CTNNA3: variants seen among roughly 807,000 people sequenced by gnomAD.
CTNNA3 encodes the protein catenin alpha-3.
In CTNNA3, 76 loss-of-function variants were observed where a neutral mutation model predicts 95.7. That is an observed-to-expected ratio of 0.79 (90% CI 0.66 to 0.96). The LOEUF (loss-of-function observed/expected upper bound fraction) is 0.96. Among genes scored for constraint, CTNNA3 ranks in the 40% least tolerant of loss-of-function variants. CTNNA3 has a pLI of 0.00. For missense variants in CTNNA3, 1,191 were observed against 1,089.8 expected (o/e 1.09, Z -1.31); for synonymous variants, 431 against 374.4 (o/e 1.15, Z -1.74).
chr10:66,788,390 A>G (rs1275420757), intron 7 of CTNNA3, among the ~76,000 whole-genome samples: 1 of 152,194 alleles, frequency 6.6e-6, no homozygotes, highest in Admixed American at 6.5e-5. Context: ...CCGATGAAGC[A>G]CAGCCCAGTT....
chr10:67,343,359 A>T (rs1448122572), intron 5 of CTNNA3, among the ~76,000 whole-genome samples: 1 of 152,194 alleles, frequency 6.6e-6, no homozygotes, highest in East Asian at 1.9e-4. Flanking sequence ...TGGACATTTT[A>T]ACAATATTGA....
chr10:66,972,322 A>G (rs1849765150), intron 7 of CTNNA3, among the ~76,000 whole-genome samples: 1 of 152,110 alleles, frequency 6.6e-6, no homozygotes, highest in Non-Finnish European at 1.5e-5. Context: ...TATAGCATCA[A>G]AGAATACATT....
chr10:66,081,428 A>G (rs2080757214), intron 14 of CTNNA3, among the ~76,000 whole-genome samples: 1 of 152,200 alleles, frequency 6.6e-6, no homozygotes, highest in Admixed American at 6.5e-5. Flanking sequence ...ACTGGCCAAC[A>G]TAGCAAGACC....
At chr10:66,714,258 C>A (rs1848384615) in intron 9 of CTNNA3, among the ~76,000 whole-genome samples, 1 of 152,086 alleles carries the variant, frequency 6.6e-6, no homozygotes, top group South Asian at 2.1e-4. Flanking sequence ...GTTCAGTAAT[C>A]CAGTTGTTGC....
chr10:66,521,494 C>G (rs1384203013), intron 10 of CTNNA3, among the ~76,000 whole-genome samples: 1 of 151,910 alleles, frequency 6.6e-6, no homozygotes, highest in Non-Finnish European at 1.5e-5. Context: ...AGTTGAATGC[C>G]CAGTGATTTC....
At chr10:67,013,730 T>G (rs1392876835) in intron 7 of CTNNA3, among the ~76,000 whole-genome samples, 1 of 152,170 alleles carries the variant, frequency 6.6e-6, no homozygotes, top group Non-Finnish European at 1.5e-5. Flanking sequence ...AATCAAAATT[T>G]TCCTTTAAAG....
chr10:67,698,441 G>A (rs1032887617), upstream of CTNNA3, among the ~76,000 whole-genome samples: 1 of 152,160 alleles, frequency 6.6e-6, no homozygotes, highest in African/African-American at 2.4e-5. Context: ...AGAGAAGGGA[G>A]GCCTCCAAAA....
At chr10:66,079,669 T>C (rs947528656) in intron 14 of CTNNA3, among the ~76,000 whole-genome samples, 1 of 151,962 alleles carries the variant, frequency 6.6e-6, no homozygotes, top group African/African-American at 2.4e-5. Context: ...ATATGGCATT[T>C]GCTTGTCCAT....
intron 5 of CTNNA3, among the ~76,000 whole-genome samples, chr10:67,386,532 G>T (rs1037892768): frequency 2.6e-5 from 4 of 152,076 alleles, no homozygotes; most frequent in Non-Finnish European, 4.4e-5. Context: ...GAACTGAGTT[G>T]AAAGCCTTCA....
chr10:66,736,117 G>A (rs1259686728), intron 9 of CTNNA3, among the ~76,000 whole-genome samples: 1 of 152,132 alleles, frequency 6.6e-6, no homozygotes, highest in Admixed American at 6.5e-5. Flanking sequence ...CAACGTGCTG[G>A]GAAACAAACA....
chr10:66,894,738 T>G (rs182672277), intron 7 of CTNNA3, among the ~76,000 whole-genome samples: 37 of 152,048 alleles, frequency 2.4e-4, no homozygotes, highest in African/African-American at 8.9e-4. Context: ...CATTGTAGAT[T>G]TTTTCAAAGC....
chr10:66,729,054 G>T (rs1339449238), intron 9 of CTNNA3, among the ~76,000 whole-genome samples: 1 of 152,156 alleles, frequency 6.6e-6, no homozygotes, highest in African/African-American at 2.4e-5. Flanking sequence ...AAGATTAGAT[G>T]GTTGTAAGTG....
chr10:67,109,498 G>T (rs1023918455), intron 7 of CTNNA3, among the ~76,000 whole-genome samples: 4 of 152,190 alleles, frequency 2.6e-5, no homozygotes, highest in Admixed American at 2.6e-4. Flanking sequence ...AACCAAAGTA[G>T]TATTAGTGAA....
rs1340659912 is a variant in CTNNA3, at chr10:67,515,627, GTA to G, written c.579+6213_579+6214del. Among the ~76,000 whole-genome samples the G allele has an allele frequency of 7.9e-5, 12 of 152,218 alleles. No individual in the cohort carries two copies. The South Asian group carries it at 2.5e-3, about 32-fold the overall frequency. ...ATAAAAAATCATTTTATTTGATCTG[GTA>G]AATAAGAAATAGAATACCACCTAAG... On this transcript the variant is annotated intron_variant, in intron 5 of 17. Transcript: ENST00000433211.
intron 11 of CTNNA3, among the ~76,000 whole-genome samples, chr10:66,450,795 G>A (rs1438235855): frequency 1.3e-5 from 2 of 152,076 alleles, no homozygotes; most frequent in Non-Finnish European, 2.9e-5. Flanking sequence ...TCTTTTTCAA[G>A]TAAATGTTGC....
At chr10:66,331,378 G>A (rs1382267040) in intron 12 of CTNNA3, among the ~76,000 whole-genome samples, 1 of 81,762 alleles carries the variant, frequency 1.2e-5, no homozygotes, top group Non-Finnish European at 2.2e-5. Context: ...TTTTGAGACG[G>A]AGTTTTGCTC....
At position 67,524,217 on chromosome 10, in the gene CTNNA3, C is replaced by A. The variant is rs189815176; in HGVS notation, c.460-2256G>T. On this transcript the variant is annotated intron_variant, in intron 4 of 17. Coordinates refer to ENST00000433211, the MANE Select transcript of CTNNA3 (RefSeq NM_013266.4). ...AGGAGATCGAGACTATCCTGGCTAACACGGTGAAACCCCGTCTCTACTAAA... is the reference window on the plus strand; with the variant it reads ...AGGAGATCGAGACTATCCTGGCTAAAACGGTGAAACCCCGTCTCTACTAAA... 0.029 allele frequency among the ~76,000 whole-genome samples: 4,420 copies of A among 151,950 alleles called. 430 individuals are homozygous for A. The East Asian group carries it at 0.36, about 12-fold the overall frequency.
At chr10:66,067,714 G>C (rs1192191799) in intron 15 of CTNNA3, among the ~76,000 whole-genome samples, 2 of 151,962 alleles carry the variant, frequency 1.3e-5, no homozygotes, top group Non-Finnish European at 2.9e-5. Flanking sequence ...TCAGGAGTTT[G>C]AGACCAGCCA....
At chr10:67,171,214 T>C (rs1862003024) in intron 7 of CTNNA3, among the ~76,000 whole-genome samples, 1 of 152,226 alleles carries the variant, frequency 6.6e-6, no homozygotes, top group Non-Finnish European at 1.5e-5. Context: ...TAAATGGTTT[T>C]CAGGCATTTT....
Sources: gnomAD v4.1 joint callset for allele counts (sites outside exome capture counted in the v4.1 genomes callset) on GRCh38, gnomAD v4.1.1 for gene constraint, MANE v1.5 for transcripts, NCBI Gene and HGNC (gene_info 2026-07-23, HGNC 2026-07-21) for gene names.